The following FANCC variants were observed in gnomAD, a reference collection of about 807,000 sequenced individuals.
FANCC encodes FA complementation group C, also known as Fanconi anemia group C protein.
FANCC carries 55 observed loss-of-function variants against 71.3 expected under a neutral mutation model. The ratio of observed to expected loss-of-function variants is 0.77; its 90% CI spans 0.62 to 0.97. FANCC has a LOEUF of 0.97. Among genes scored for constraint, FANCC ranks in the 50% least tolerant of loss-of-function variants. The pLI, the probability that FANCC is intolerant of heterozygous loss-of-function variation, is 0.00. For synonymous variants in FANCC, 275 were observed against 244.9 expected (o/e 1.12, Z -1.15); for missense variants, 678 against 670.9 (o/e 1.01, Z -0.12).
chr9:95,184,294 T>C (rs897823028), intron 4 of FANCC, among the ~76,000 whole-genome samples: 1 of 152,144 alleles, frequency 6.6e-6, no homozygotes, highest in African/African-American at 2.4e-5. Flanking sequence ...GTGACTTATA[T>C]TTTTCTAAAT....
At chr9:95,247,212 CGTGTGTGTGTGT>C (rs3030679) in intron 3 of FANCC, among the ~76,000 whole-genome samples, 12 of 149,642 alleles carry the variant, frequency 8.0e-5, no homozygotes, top group African/African-American at 2.7e-4. Flanking sequence ...TGCGTGCACG[CGTGTGTGTGTGT>C]GTGTGTGTGT....
chr9:95,314,520 AG>A (rs996152216), intron 1 of FANCC, among the ~76,000 whole-genome samples: 1 of 151,868 alleles, frequency 6.6e-6, no homozygotes, highest in Non-Finnish European at 1.5e-5. Flanking sequence ...GGCGTGGTGA[AG>A]GGTGCCTGTA....
chr9:95,278,895 T>C (rs1162131659), intron 1 of FANCC, among the ~76,000 whole-genome samples: 2 of 151,978 alleles, frequency 1.3e-5, no homozygotes, highest in East Asian at 1.9e-4. Flanking sequence ...TTATGAAATA[T>C]TCACTTACAG....
chr9:95,273,040 G>C (rs1000452279), intron 1 of FANCC, among the ~76,000 whole-genome samples: 2 of 152,162 alleles, frequency 1.3e-5, no homozygotes, highest in African/African-American at 4.8e-5. Flanking sequence ...CTGGCACCTA[G>C]ACTAATATTC....
At chr9:95,255,416 G>C (rs571161296) in intron 1 of FANCC, among the ~76,000 whole-genome samples, 2 of 152,282 alleles carry the variant, frequency 1.3e-5, no homozygotes, top group South Asian at 4.1e-4. Context: ...CAGGCAAACA[G>C]CGTCTGGAGT....
intron 1 of FANCC, among the ~76,000 whole-genome samples, chr9:95,267,062 G>C (rs1832423726): frequency 6.6e-6 from 1 of 152,090 alleles, no homozygotes; most frequent in African/African-American, 2.4e-5. Flanking sequence ...ACACAAAGAG[G>C]CAAGACCCCG....
chr9:95,264,056 C>T (rs1291559024), intron 1 of FANCC, among the ~76,000 whole-genome samples: 2 of 152,186 alleles, frequency 1.3e-5, no homozygotes, highest in Admixed American at 1.3e-4. Flanking sequence ...CAACATACTG[C>T]AAACAGCAAA....
intron 4 of FANCC, among the ~76,000 whole-genome samples, chr9:95,223,586 A>G (rs945120342): frequency 4.6e-5 from 7 of 152,236 alleles, no homozygotes; most frequent in South Asian, 2.1e-4. Context: ...AACCTATAAC[A>G]TAAGTAATAC....
At chr9:95,254,868 C>T (rs1192837407) in intron 1 of FANCC, among the ~76,000 whole-genome samples, 1 of 152,184 alleles carries the variant, frequency 6.6e-6, no homozygotes, top group Non-Finnish European at 1.5e-5. Flanking sequence ...TGAAGTCAAC[C>T]TGGGATGCTT....
intron 1 of FANCC, among the ~76,000 whole-genome samples, chr9:95,309,723 T>G (rs1317534431): frequency 1.3e-5 from 2 of 152,208 alleles, no homozygotes; most frequent in Non-Finnish European, 2.9e-5. Flanking sequence ...TAAGTTATGA[T>G]GTAGTAACTT....
intron 7 of FANCC, among the ~76,000 whole-genome samples, chr9:95,144,244 C>G (rs773299140): frequency 2.6e-5 from 4 of 152,178 alleles, no homozygotes; most frequent in Non-Finnish European, 5.9e-5. Context: ...TGGAGAGGCT[C>G]CAGCTCTTAC....
At chr9:95,103,995 G>A (rs929415477) in intron 14 of FANCC, among the ~76,000 whole-genome samples, 1 of 152,176 alleles carries the variant, frequency 6.6e-6, no homozygotes. Context: ...AGGTGGCTGC[G>A]CTCGTGCTAG....
intron 3 of FANCC, among the ~76,000 whole-genome samples, chr9:95,246,227 G>A (rs1830969599): frequency 6.6e-6 from 1 of 152,184 alleles, no homozygotes; most frequent in Admixed American, 6.5e-5. Flanking sequence ...TTTAGGGGTT[G>A]GGGGAAGAGG....
intron 4 of FANCC, among the ~76,000 whole-genome samples, chr9:95,227,670 G>A (rs1829708093): frequency 6.6e-6 from 1 of 152,076 alleles, no homozygotes; most frequent in Non-Finnish European, 1.5e-5. Flanking sequence ...GTGTCCCCCA[G>A]CCCCCATTTA....
chr9:95,311,938 G>A (rs1487320414), intron 1 of FANCC, among the ~76,000 whole-genome samples: 2 of 152,092 alleles, frequency 1.3e-5, no homozygotes, highest in African/African-American at 4.8e-5. Flanking sequence ...AAACAGGGGT[G>A]AAAGATAATG....
intron 9 of FANCC, 145 bp downstream of exon 9, chr9:95,126,384 C>T: frequency 1.3e-6 from 1 of 792,636 alleles, no homozygotes; most frequent in South Asian, 1.6e-5. Flanking sequence ...CCTCTAATTA[C>T]CAAAAAGCTC....
chr9:95,215,616 C>A (rs925023843), intron 4 of FANCC, among the ~76,000 whole-genome samples: 6 of 152,156 alleles, frequency 3.9e-5, no homozygotes, highest in Non-Finnish European at 8.8e-5. Flanking sequence ...TCTGTGATTT[C>A]TGAGGATAGG....
At chr9:95,228,542 C>CT (rs1423882451) in intron 4 of FANCC, among the ~76,000 whole-genome samples, 3 of 152,216 alleles carry the variant, frequency 2.0e-5, no homozygotes, top group African/African-American at 7.2e-5. Context: ...GTGCCAGGCA[C>CT]TATCCTAGCC....
At chr9:95,265,460 A>G (rs1200449290) in intron 1 of FANCC, among the ~76,000 whole-genome samples, 1 of 152,200 alleles carries the variant, frequency 6.6e-6, no homozygotes, top group Non-Finnish European at 1.5e-5. Context: ...CTGCTAAGAC[A>G]GAAATCTCTG....
Sources: allele counts gnomAD v4.1 joint callset (sites outside exome capture counted in the v4.1 genomes callset), GRCh38; gene constraint gnomAD v4.1.1; transcripts MANE v1.5; gene names NCBI Gene and HGNC (gene_info 2026-07-23, HGNC 2026-07-21).